FOSL2: variants seen among roughly 807,000 people sequenced by gnomAD.
FOSL2 encodes FOS like 2, AP-1 transcription factor subunit, also known as fos-related antigen 2.
In FOSL2, 3 loss-of-function variants were observed where a neutral mutation model predicts 27.7. The ratio of observed to expected loss-of-function variants is 0.11; its 90% confidence interval spans 0.05 to 0.28. The LOEUF is 0.28. FOSL2 is among the 10% of genes least tolerant of loss of function. The probability of loss-of-function intolerance (pLI) is 1.00; values close to 1 mark genes in which losing one functional copy is unlikely to be tolerated. For missense variants in FOSL2, 333 were observed against 445.1 expected (o/e 0.75, Z 2.27); for synonymous variants, 179 against 190.1 (o/e 0.94, Z 0.48).
Position 28,412,007 on chromosome 2 carries a change from G to A in FOSL2, c.540G>A (p.Leu180=), listed in dbSNP as rs1344366321. 2 of 1,613,496 alleles carry A rather than the reference G, an allele frequency of 1.2e-6. No homozygotes were observed. Among genetic ancestry groups the A allele is most frequent in the Non-Finnish European group, 1.7e-6 (2 of 1,180,036 alleles). The change falls in exon 4 of 4, where the codon CTG becomes CTA. Residue 180 remains leucine, a synonymous_variant. Coordinates refer to ENST00000264716, the MANE Select transcript of FOSL2 (RefSeq NM_005253.4). This position sits in a 1 kb window ranked among gnomAD's most constrained non-coding sequence, Gnocchi z 7.1. The part of the protein sequence containing the change: ...IAELQKEKEK[L]EFMLVAHGPV... ...AGCTGCAGAAGGAGAAGGAGAAGCT[G>A]GAGTTCATGTTGGTGGCTCACGGCC...
At position 28,412,512 on chromosome 2, in the gene FOSL2, G is replaced by T. The variant is rs1472457083; in HGVS notation, c.*64G>T. The T allele has an allele frequency of 3.2e-6, 5 of 1,547,830 alleles. No homozygotes were observed. Among genetic ancestry groups the T allele is most frequent in the Non-Finnish European group, 4.4e-6 (5 of 1,148,002 alleles). ...CCTCGCTCCTCCTTCCCAGGGACCA[G>T]CACCTTCAAGCGCTCCAGGGCCGTG... On this transcript the variant is annotated 3_prime_UTR_variant, in exon 4 of 4. Coordinates refer to ENST00000264716, the MANE Select transcript of FOSL2 (RefSeq NM_005253.4). This position sits in a 1 kb window ranked among gnomAD's most constrained non-coding sequence, Gnocchi z 7.1.
Position 28,392,944 on chromosome 2 carries a change from G to C in FOSL2, c.-777G>C, listed in dbSNP as rs983819930. ...GCGGCGCTCGGCGGGGACAGAAAGA[G>C]GGAGAGAGAGAGAGAGAGAGAGGGA... On this transcript the variant is annotated 5_prime_UTR_variant, in exon 1 of 4. Transcript: ENST00000264716. 10 of 703,372 alleles carry C rather than the reference G, an allele frequency of 1.4e-5. No homozygotes were observed. Among genetic ancestry groups the C allele is most frequent in the Non-Finnish European group, 2.6e-5 (10 of 379,070 alleles). The allele number at this position is 703,372 out of a possible 1,614,324, so 43.6% of individuals were successfully genotyped here.
At chr2:28,397,300 C>T (rs1663866559) in intron 1 of FOSL2, among the ~76,000 whole-genome samples, 1 of 152,060 alleles carries the variant, frequency 6.6e-6, no homozygotes, top group Non-Finnish European at 1.5e-5. Context: ...ACAGTTTGTT[C>T]AAATTCCCAA....
Position 28,412,274 on chromosome 2 carries a change from C to T in FOSL2, c.807C>T (p.Ser269=). ...EPLHTPIVVT[S]TPAVTPGTSN... is the part of the protein sequence containing the mutation. ...TGCACACCCCCATCGTGGTGACCTC[C>T]ACACCTGCTGTCACTCCGGGCACCT... The change falls in exon 4 of 4, where the codon TCC becomes TCT. Residue 269 remains serine (S), a synonymous_variant. Coordinates refer to ENST00000264716, the MANE Select transcript of FOSL2 (RefSeq NM_005253.4). This position sits in a 1 kb window ranked among gnomAD's most constrained non-coding sequence, Gnocchi z 7.1. The T allele has an allele frequency of 6.2e-7, 1 of 1,614,126 alleles. No homozygotes were observed. Among genetic ancestry groups the T allele is most frequent in the Non-Finnish European group, 8.5e-7 (1 of 1,180,014 alleles).
At position 28,411,921 on chromosome 2, in the gene FOSL2, C is replaced by T. The variant is rs374046642; in HGVS notation, c.463-9C>T. The T allele has an allele frequency of 6.1e-5, 99 of 1,614,182 alleles. No individual in the cohort carries two copies. In the African/African-American group the frequency reaches 9.3e-4, roughly 15 times the overall value. ...TGCTGTCCCTCACATCCCTCTCTTTCCGTGGCAGGAGACAGAGGAGCTGGA... is the reference window on the plus strand; with the variant it reads ...TGCTGTCCCTCACATCCCTCTCTTTTCGTGGCAGGAGACAGAGGAGCTGGA... On this transcript the variant is annotated splice_polypyrimidine_tract_variant and intron_variant, in intron 3 of 3. Coordinates refer to ENST00000264716, the MANE Select transcript of FOSL2 (RefSeq NM_005253.4).
intron 1 of FOSL2, among the ~76,000 whole-genome samples, chr2:28,394,360 G>A (rs1490928319): frequency 6.6e-6 from 1 of 152,174 alleles, no homozygotes; most frequent in East Asian, 1.9e-4. Context: ...GCGAGGGCGA[G>A]GGCTGCCGCT....
At chr2:28,398,109 A>G (rs1261246717) in intron 1 of FOSL2, among the ~76,000 whole-genome samples, 1 of 152,224 alleles carries the variant, frequency 6.6e-6, no homozygotes, top group Non-Finnish European at 1.5e-5. Context: ...ACTGGTTGTG[A>G]GAATTAAGGA....
rs1001057386 is a variant in FOSL2, at chr2:28,413,056, G to A, written c.*608G>A. ...AATACAGAGCCTTCCCTACCCTGAC[G>A]CCTCCCAGTCATCATCTCCAGAACT... On this transcript the variant is annotated 3_prime_UTR_variant, in exon 4 of 4. Coordinates refer to ENST00000264716, the MANE Select transcript of FOSL2 (RefSeq NM_005253.4). The A allele has an allele frequency of 6.2e-5, 10 of 162,514 alleles. No homozygotes were observed. Among genetic ancestry groups the A allele is most frequent in the Non-Finnish European group, 9.3e-5 (7 of 75,516 alleles). The allele number at this position is 162,514 out of a possible 1,614,324, so 10.1% of individuals were successfully genotyped here.
chr2:28,393,778 C>A lies in FOSL2; in HGVS notation c.58C>A (p.Pro20Thr). Residue 20 changes from proline to threonine, a missense_variant, in exon 1 of 4, where the codon CCT becomes ACT. Pro to Thr is a conservative substitution (Grantham distance 38). Around this residue, in one of 4 missense-constraint regions of FOSL2, gnomAD observed 131 missense variants for 157.9 expected, o/e 0.83. Coordinates refer to ENST00000264716, the MANE Select transcript of FOSL2 (RefSeq NM_005253.4). The surrounding 1 kb of genome is among the most constrained non-coding windows in gnomAD (Gnocchi z 4.6). ...DTSSRGSSGSPAHAESYSSGG... is the reference protein window; with the variant it reads ...DTSSRGSSGSTAHAESYSSGG... Reference sequence around the variant, plus strand: ...CTCGTCCCGGGGCAGCAGCGGCTCTCCTGCGCACGCCGAGTCCTACTCCAG... The same window carrying A: ...CTCGTCCCGGGGCAGCAGCGGCTCTACTGCGCACGCCGAGTCCTACTCCAG... The A allele has an allele frequency of 6.2e-7, 1 of 1,608,184 alleles. No homozygotes were observed. Among genetic ancestry groups the A allele is most frequent in the Non-Finnish European group, 8.5e-7 (1 of 1,177,934 alleles).
chr2:28,410,114 C>T (rs556398420), intron 3 of FOSL2, among the ~76,000 whole-genome samples: 3 of 152,340 alleles, frequency 2.0e-5, no homozygotes, highest in Non-Finnish European at 4.4e-5. Context: ...TCCTGCAGCC[C>T]TCACTCTGGG....
In FOSL2 at chr2:28,404,874, C is replaced by T. The variant is rs983706035; in HGVS notation, c.354+516C>T. 2.0e-5 allele frequency among the ~76,000 whole-genome samples: 3 copies of T among 152,188 alleles called. No individual in the cohort carries two copies. Among genetic ancestry groups the T allele is most frequent in the African/African-American group, 4.8e-5 (2 of 41,450 alleles). On this transcript the variant is annotated intron_variant, in intron 2 of 3. Coordinates refer to ENST00000264716, the MANE Select transcript of FOSL2 (RefSeq NM_005253.4). This position sits in a 1 kb window ranked among gnomAD's most constrained non-coding sequence, Gnocchi z 4.7. ...TCCTCAGTGTTCTAGGCCTCCAACT[C>T]GGAGCAGGAGCCTATTTCAAGGGCC...
chr2:28,406,796 G>A (rs759688582), intron 2 of FOSL2, among the ~76,000 whole-genome samples: 4 of 152,192 alleles, frequency 2.6e-5, no homozygotes, highest in Non-Finnish European at 5.9e-5. Flanking sequence ...AGCTTACTCC[G>A]GCCGTCCCCA....
At chr2:28,410,692 C>T (rs1300516279) in intron 3 of FOSL2, 1 of 213,852 alleles carries the variant, frequency 4.7e-6, no homozygotes, top group Admixed American at 6.5e-5. Flanking sequence ...CTCGCTTCTG[C>T]TTCTCTGGCT....
intron 1 of FOSL2, among the ~76,000 whole-genome samples, chr2:28,397,473 C>G (rs565186514): frequency 2.0e-5 from 3 of 152,050 alleles, no homozygotes; most frequent in Non-Finnish European, 2.9e-5. Flanking sequence ...TTGTCTGTTC[C>G]GCTGATTCTT....
At position 28,393,050 on chromosome 2, in the gene FOSL2, CG is replaced by C; in HGVS notation, c.-667del. The C allele has an allele frequency of 2.0e-6, 1 of 512,634 alleles. No homozygotes were observed. The highest frequency in any genetic ancestry group is 2.3e-5 in the South Asian group (1 of 43,514). The allele number at this position is 512,634 out of a possible 1,614,324, so 31.8% of individuals were successfully genotyped here. On this transcript the variant is annotated 5_prime_UTR_variant, in exon 1 of 4. Transcript: ENST00000264716. This position sits in a 1 kb window ranked among gnomAD's most constrained non-coding sequence, Gnocchi z 4.6. ...CGGGTCTGGGCGCCGGAGCGGGGAGCGGGGCCGCGTCCCTCTCAGCGCCAGC... is the reference window on the plus strand; with the variant it reads ...CGGGTCTGGGCGCCGGAGCGGGGAGCGGGCCGCGTCCCTCTCAGCGCCAGC...
In FOSL2 at chr2:28,393,465, A is replaced by C; in HGVS notation, c.-256A>C. On this transcript the variant is annotated 5_prime_UTR_variant, in exon 1 of 4. Coordinates refer to ENST00000264716, the MANE Select transcript of FOSL2 (RefSeq NM_005253.4). The surrounding 1 kb of genome is among the most constrained non-coding windows in gnomAD (Gnocchi z 4.6). Reference sequence around the variant, plus strand: ...ACGCGCCGACTTTTTAGAGGGAGGGATCGGGTGGACAACTGGTCCCGCGGC... The same window carrying C: ...ACGCGCCGACTTTTTAGAGGGAGGGCTCGGGTGGACAACTGGTCCCGCGGC... 9.0e-6 allele frequency: 4 copies of C among 442,270 alleles called. No individual in the cohort carries two copies. Among genetic ancestry groups the C allele is most frequent in the Non-Finnish European group, 1.6e-5 (4 of 248,408 alleles). The allele number at this position is 442,270 out of a possible 1,614,324, so 27.4% of individuals were successfully genotyped here. A position where few individuals can be genotyped will look rare whatever the true frequency, so the allele number is the denominator to read the frequency against.
chr2:28,400,484 A>G (rs905463726), intron 1 of FOSL2, among the ~76,000 whole-genome samples: 2 of 152,042 alleles, frequency 1.3e-5, no homozygotes, highest in East Asian at 3.9e-4. Flanking sequence ...GACAAGACCC[A>G]TCTGCCAGAT....
At chr2:28,411,185 A>G (rs962304006) in intron 3 of FOSL2, among the ~76,000 whole-genome samples, 1 of 151,882 alleles carries the variant, frequency 6.6e-6, no homozygotes, top group Non-Finnish European at 1.5e-5. Flanking sequence ...GAGTGAAAAA[A>G]GGGAGGAGGA....
Position 28,404,898 on chromosome 2 carries a change from C to T in FOSL2, c.354+540C>T, listed in dbSNP as rs2148088859. Among the ~76,000 whole-genome samples, 1 of 152,306 alleles carries T rather than the reference C, an allele frequency of 6.6e-6. No individual in the cohort carries two copies. The highest frequency in any genetic ancestry group is 1.5e-5 in the Non-Finnish European group (1 of 68,024). On this transcript the variant is annotated intron_variant, in intron 2 of 3. Transcript: ENST00000264716. The surrounding 1 kb of genome is among the most constrained non-coding windows in gnomAD (Gnocchi z 4.7). Reference sequence around the variant, plus strand: ...TCGGAGCAGGAGCCTATTTCAAGGGCCTGGAATGCATGTTCCAGAGGTGCA... The same window carrying T: ...TCGGAGCAGGAGCCTATTTCAAGGGTCTGGAATGCATGTTCCAGAGGTGCA...
Sources: allele counts gnomAD v4.1 joint callset (sites outside exome capture counted in the v4.1 genomes callset), GRCh38; gene constraint gnomAD v4.1.1; regional missense constraint gnomAD v4.1.1; non-coding constraint Gnocchi (gnomAD v3.1); transcripts MANE v1.5; gene names NCBI Gene and HGNC (gene_info 2026-07-23, HGNC 2026-07-21).